The following ZNF195 variants were observed in gnomAD, a reference collection of about 807,000 sequenced individuals.
The protein encoded by ZNF195 is hypoxia-regulated factor-1.
In ZNF195, 11 loss-of-function variants were observed where a neutral mutation model predicts 19.5. That is an observed-to-expected ratio of 0.57 (90% confidence interval 0.36 to 0.94). ZNF195 has a LOEUF of 0.94. ZNF195 is among the 40% of genes least tolerant of loss of function. The pLI is 0.01. For missense variants in ZNF195, 582 were observed against 709.0 expected (o/e 0.82, Z 2.03); for synonymous variants, 214 against 248.1 (o/e 0.86, Z 1.29).
chr11:3,360,594 T>C, intron 5 of ZNF195, 29 bp from the exon 6 acceptor site: 1 of 1,552,476 alleles, frequency 6.4e-7, no homozygotes. Flanking sequence ...GTTATCCGAC[T>C]TACTAGACAC....
intron 1 of ZNF195, chr11:3,377,634 A>G: frequency 1.6e-6 from 2 of 1,236,522 alleles, no homozygotes; most frequent in Non-Finnish European, 2.1e-6. Flanking sequence ...GAGGAAGAGT[A>G]GACCAGGAGA....
intron 3 of ZNF195, chr11:3,366,839 TG>T: frequency 2.4e-6 from 1 of 413,958 alleles, no homozygotes; most frequent in Non-Finnish European, 4.9e-6. Flanking sequence ...CCGAGGCGGG[TG>T]GATCACTTGA....
Position 3,373,312 on chromosome 11 carries a change from C to T in ZNF195, c.4-1609G>A, listed in dbSNP as rs142394377. ...CACAAGTTCAGTGCCACGAAGTGAACTTTTTAATACTGCAGGTCATAAAGT... is the reference window on the plus strand; with the variant it reads ...CACAAGTTCAGTGCCACGAAGTGAATTTTTTAATACTGCAGGTCATAAAGT... On this transcript the variant is annotated intron_variant, in intron 1 of 5. Coordinates refer to ENST00000399602, the MANE Select transcript of ZNF195 (RefSeq NM_001130520.3). 2.7e-3 allele frequency among the ~76,000 whole-genome samples: 408 copies of T among 152,248 alleles called. 3 individuals carry two copies. The highest frequency in any genetic ancestry group is 9.4e-3 in the African/African-American group (389 of 41,540).
intron 1 of ZNF195, among the ~76,000 whole-genome samples, chr11:3,372,039 T>C (rs1392611652): frequency 6.6e-6 from 1 of 152,208 alleles, no homozygotes; most frequent in African/African-American, 2.4e-5. Flanking sequence ...CCAATTTTCA[T>C]GTGTCCAATA....
intron 1 of ZNF195, among the ~76,000 whole-genome samples, chr11:3,378,230 A>C (rs1023880799): frequency 6.6e-6 from 1 of 152,058 alleles, no homozygotes; most frequent in Non-Finnish European, 1.5e-5. Flanking sequence ...GAATTGATTG[A>C]ACCCGGGAGG....
intron 3 of ZNF195, chr11:3,368,875 G>A (rs752908121): frequency 2.9e-5 from 13 of 454,428 alleles, no homozygotes; most frequent in Middle Eastern, 3.3e-4. Context: ...CAGAATACCC[G>A]CAATCAAAAT....
chr11:3,374,616 G>C (rs943992294), intron 1 of ZNF195, among the ~76,000 whole-genome samples: 4 of 152,250 alleles, frequency 2.6e-5, no homozygotes, highest in Non-Finnish European at 5.9e-5. Context: ...CGTCATGTGA[G>C]TTAATCCTCA....
intron 3 of ZNF195, chr11:3,363,367 G>T (rs1188117368): frequency 6.6e-6 from 1 of 152,096 alleles, no homozygotes; most frequent in Non-Finnish European, 1.5e-5. Context: ...CAAGAGCTCA[G>T]AAAACATTCT....
At position 3,379,083 on chromosome 11, in the gene ZNF195, C is replaced by G. The variant is rs1372159711; in HGVS notation, c.-43G>C. 2.7e-6 allele frequency: 4 copies of G among 1,492,218 alleles called. No individual in the cohort carries two copies. Among genetic ancestry groups the G allele is most frequent in the Non-Finnish European group, 3.6e-6 (4 of 1,111,550 alleles). 92.4% of individuals were successfully genotyped at this position (1,492,218 alleles called of 1,614,324 possible). ...GCCTGGCGTTTCACTTCTGGATCTC[C>G]CGGTGCCTGCGGGTCACACGACCTA... is the stretch of plus-strand genomic sequence containing the variant. On this transcript the variant is annotated 5_prime_UTR_variant, in exon 1 of 6. Coordinates refer to ENST00000399602, the MANE Select transcript of ZNF195 (RefSeq NM_001130520.3).
chr11:3,375,494 CACA>C (rs1849414939), intron 1 of ZNF195: 1 of 152,168 alleles, frequency 6.6e-6, no homozygotes. Context: ...CATCAGAACT[CACA>C]ACAACCACAT....
intron 3 of ZNF195, chr11:3,367,077 A>AAG: frequency 4.7e-6 from 1 of 212,514 alleles, no homozygotes. Context: ...AAAAAAAAAA[A>AAG]AAGCATAATT....
At chr11:3,368,595 C>T (rs1849021550) in intron 3 of ZNF195, among the ~76,000 whole-genome samples, 2 of 152,182 alleles carry the variant, frequency 1.3e-5, no homozygotes, top group East Asian at 1.9e-4. Flanking sequence ...TATGGAATTA[C>T]AATAGACTTG....
At chr11:3,364,835 T>G (rs887718374) in intron 3 of ZNF195, among the ~76,000 whole-genome samples, 2 of 152,222 alleles carry the variant, frequency 1.3e-5, no homozygotes, top group Non-Finnish European at 2.9e-5. Flanking sequence ...AGAAATTATT[T>G]TAAATATAAA....
intron 1 of ZNF195, among the ~76,000 whole-genome samples, chr11:3,372,612 C>T (rs79738046): frequency 3.3e-4 from 13 of 39,676 alleles, no homozygotes; most frequent in South Asian, 2.0e-3. Context: ...TTTCCCAGGT[C>T]CTGACAAATA....
chr11:3,360,746 A>G lies in ZNF195; in HGVS notation c.416T>C (p.Leu139Ser). ...PGVLQTVKWFLEFRCIFSLAM... is the reference protein window; with the variant it reads ...PGVLQTVKWFSEFRCIFSLAM... Reference sequence around the variant, plus strand: ...TAGTGAGAAGATGCATCTGAACTCTAAAAACCATTTCACAGTTTGCAGCAC... The same window carrying G: ...TAGTGAGAAGATGCATCTGAACTCTGAAAACCATTTCACAGTTTGCAGCAC... The change falls in exon 5 of 6, where the codon TTA becomes TCA. Residue 139 changes from leucine (L) to serine (S), a missense_variant. Leu to Ser is a moderately radical substitution (Grantham distance 145). Transcript: ENST00000399602. 2 of 1,551,626 alleles carry G rather than the reference A, an allele frequency of 1.3e-6. No homozygotes were observed. Among genetic ancestry groups the G allele is most frequent in the Non-Finnish European group, 1.7e-6 (2 of 1,146,968 alleles).
intron 3 of ZNF195, chr11:3,366,868 C>G: frequency 2.2e-6 from 1 of 444,598 alleles, no homozygotes. Context: ...AGTCCGAGAC[C>G]AGCCTGGGCA....
rs774117824 is a variant in ZNF195, at chr11:3,359,835, A to G, written c.1173T>C (p.Phe391=). The G allele has an allele frequency of 6.2e-7, 1 of 1,614,122 alleles. No individual in the cohort carries two copies. Among genetic ancestry groups the G allele is most frequent in the Admixed American group, 1.7e-5 (1 of 60,024 alleles). Reference sequence around the variant, plus strand: ...GTTTGGAAGGATTTGGGCTGTGGTTAAAACCTTTGTACCATGTTTCACATT... The same window carrying G: ...GTTTGGAAGGATTTGGGCTGTGGTTGAAACCTTTGTACCATGTTTCACATT... ...LSKCETWYKG[F]NHSPNPSKHQ... Residue 391 remains phenylalanine (F), a synonymous_variant, in exon 6 of 6, where the codon TTT becomes TTC. Transcript: ENST00000399602. This position sits in a 1 kb window ranked among gnomAD's most constrained non-coding sequence, Gnocchi z 5.5.
intron 1 of ZNF195, among the ~76,000 whole-genome samples, chr11:3,374,743 T>A (rs1849374735): frequency 6.6e-6 from 1 of 152,242 alleles, no homozygotes; most frequent in Non-Finnish European, 1.5e-5. Context: ...AGTGTAGTGA[T>A]AAAAGCTCCA....
At chr11:3,363,195 C>A (rs1848714025) in intron 3 of ZNF195, 1 of 152,142 alleles carries the variant, frequency 6.6e-6, no homozygotes, top group African/African-American at 2.4e-5. Flanking sequence ...AAGAAACAGA[C>A]AGCAATATAA....
Sources: gnomAD v4.1 joint callset for allele counts (sites outside exome capture counted in the v4.1 genomes callset) on GRCh38, gnomAD v4.1.1 for gene constraint, Gnocchi (gnomAD v3.1) non-coding constraint, MANE v1.5 for transcripts, NCBI Gene and HGNC (gene_info 2026-07-23, HGNC 2026-07-21) for gene names.